The following COX10 variants were observed in gnomAD, a reference collection of about 807,000 sequenced individuals.
The protein encoded by COX10 is cytochrome c oxidase assembly factor heme A:farnesyltransferase COX10.
In COX10, 27 loss-of-function variants were observed where a neutral mutation model predicts 37.3. The observed-to-expected ratio is 0.72, with a 90% CI of 0.53 to 1.00. COX10 has a LOEUF of 1.00. Among genes scored for constraint, COX10 ranks in the 50% least tolerant of loss-of-function variants. COX10 has a pLI of 0.00. For synonymous variants in COX10, 222 were observed against 229.1 expected, an observed-to-expected ratio of 0.97 and a Z score of 0.28; for missense variants, 475 against 563.2, an observed-to-expected ratio of 0.84 and a Z score of 1.59.
At chr17:14,163,655 T>G (rs1368847029) in intron 5 of COX10, among the ~76,000 whole-genome samples, 1 of 152,114 alleles carries the variant, frequency 6.6e-6, no homozygotes, top group Non-Finnish European at 1.5e-5. Flanking sequence ...GAATGTATTC[T>G]CCAAGGAGAG....
intron 5 of COX10, chr17:14,177,008 C>T: frequency 1.4e-5 from 5 of 370,040 alleles, no homozygotes; most frequent in Non-Finnish European, 2.4e-5. Context: ...AGCTAAAATG[C>T]CATTTAATGA....
intron 4 of COX10, among the ~76,000 whole-genome samples, chr17:14,115,971 A>G (rs1916100704): frequency 6.6e-6 from 1 of 152,194 alleles, no homozygotes; most frequent in African/African-American, 2.4e-5. Context: ...CCACTGTGCA[A>G]TCTATACATG....
Position 14,069,566 on chromosome 17 carries a change from GAC to G in COX10, c.-36_-35del. On this transcript the variant is annotated 5_prime_UTR_variant, in exon 1 of 7. Coordinates refer to ENST00000261643, the MANE Select transcript of COX10 (RefSeq NM_001303.4). The stretch of plus-strand genomic sequence containing the variant: ...CGCCCAGCGTCCCGTGAGGAGAGAG[GAC>G]ACAGGGATCCCGGGGAGCGGCCCCA... The G allele has an allele frequency of 1.2e-6, 2 of 1,612,686 alleles. No homozygotes were observed. Among genetic ancestry groups the G allele is most frequent in the Non-Finnish European group, 1.7e-6 (2 of 1,179,300 alleles).
At chr17:14,102,995 G>T (rs1037657518) in intron 4 of COX10, among the ~76,000 whole-genome samples, 4 of 152,138 alleles carry the variant, frequency 2.6e-5, no homozygotes, top group Non-Finnish European at 5.9e-5. Flanking sequence ...CATATAAGTT[G>T]CTAGTGTGCA....
At chr17:14,154,841 G>C (rs1259264389) in intron 4 of COX10, among the ~76,000 whole-genome samples, 1 of 146,180 alleles carries the variant, frequency 6.8e-6, no homozygotes, top group African/African-American at 2.5e-5. Context: ...AACTGGCTGA[G>C]TCTCCAACTC....
At chr17:14,096,520 A>G (rs149576197) in intron 3 of COX10, among the ~76,000 whole-genome samples, 1 of 151,698 alleles carries the variant, frequency 6.6e-6, no homozygotes, top group South Asian at 2.1e-4. Flanking sequence ...GACTAAAGGC[A>G]CATGCCACTG....
chr17:14,208,271 G>A lies in COX10; in HGVS notation c.*1058G>A, dbSNP rs901101671. On this transcript the variant is annotated 3_prime_UTR_variant, in exon 7 of 7. Transcript: ENST00000261643. ...TTTGCAAGTTATCCTGTGGCCAGGT[G>A]TGGTCTCGGTTACCAAATACGGTTA... is the stretch of plus-strand genomic sequence containing the variant. 6.6e-6 allele frequency: 1 copy of A among 152,250 alleles called. No homozygotes were observed. Among genetic ancestry groups the A allele is most frequent in the Admixed American group, 6.5e-5 (1 of 15,294 alleles). 9.4% of individuals were successfully genotyped at this position (152,250 alleles called of 1,614,324 possible). A position where few individuals can be genotyped will look rare whatever the true frequency, so the allele number is the denominator to read the frequency against.
chr17:14,086,723 G>A lies in COX10; in HGVS notation c.499+9667G>A, dbSNP rs147190974. Among the ~76,000 whole-genome samples, 80 of 152,010 alleles carry A rather than the reference G, an allele frequency of 5.3e-4. 2 individuals carry two copies. Among genetic ancestry groups the A allele is most frequent in the African/African-American group, 1.7e-3 (70 of 41,466 alleles). Reference sequence around the variant, plus strand: ...TTTATGCTAATTATTTCATTTTCTGGTAATTGCCTCTTTGTTTAGTTATTT... The same window carrying A: ...TTTATGCTAATTATTTCATTTTCTGATAATTGCCTCTTTGTTTAGTTATTT... On this transcript the variant is annotated intron_variant, in intron 3 of 6. Transcript: ENST00000261643.
intron 4 of COX10, among the ~76,000 whole-genome samples, chr17:14,143,577 G>A (rs1904613219): frequency 6.6e-6 from 1 of 151,882 alleles, no homozygotes; most frequent in Non-Finnish European, 1.5e-5. Flanking sequence ...AGGTAATATA[G>A]TAGAAAGCTA....
intron 4 of COX10, among the ~76,000 whole-genome samples, chr17:14,117,723 G>A (rs1238576814): frequency 6.6e-6 from 1 of 152,128 alleles, no homozygotes; most frequent in Non-Finnish European, 1.5e-5. Context: ...AAACCCAAGT[G>A]GGCATATGTT....
intron 5 of COX10, among the ~76,000 whole-genome samples, chr17:14,169,552 A>G (rs1456605452): frequency 1.3e-5 from 2 of 152,224 alleles, no homozygotes; most frequent in Non-Finnish European, 2.9e-5. Context: ...TGGGTCATTT[A>G]TAAAGAAAAG....
chr17:14,183,733 C>T (rs1905939942), intron 5 of COX10, among the ~76,000 whole-genome samples: 1 of 152,266 alleles, frequency 6.6e-6, no homozygotes, highest in South Asian at 2.1e-4. Context: ...GCAAGTTTAT[C>T]AGCCCCTCCC....
chr17:14,191,220 A>C (rs1906191649), intron 5 of COX10, among the ~76,000 whole-genome samples: 1 of 151,954 alleles, frequency 6.6e-6, no homozygotes, highest in East Asian at 1.9e-4. Flanking sequence ...GGCTCTTTTG[A>C]GAAACAGGCT....
At chr17:14,119,493 T>C (rs1229713819) in intron 4 of COX10, among the ~76,000 whole-genome samples, 2 of 152,168 alleles carry the variant, frequency 1.3e-5, no homozygotes, top group Non-Finnish European at 2.9e-5. Context: ...GGGATGAGAA[T>C]GTAGATAATA....
At chr17:14,147,890 G>A (rs898243554) in intron 4 of COX10, among the ~76,000 whole-genome samples, 3 of 151,654 alleles carry the variant, frequency 2.0e-5, no homozygotes, top group South Asian at 2.1e-4. Flanking sequence ...CCAGAGACAA[G>A]GATTGTAAAT....
Position 14,192,026 on chromosome 17 carries a change from G to A in COX10, c.733G>A (p.Val245Ile), listed in dbSNP as rs1347171957. 1.2e-6 allele frequency: 2 copies of A among 1,614,066 alleles called. No homozygotes were observed. ...LAVSFATCCA[V>I]PGVAILTLGV... The stretch of plus-strand genomic sequence containing the variant: ...TGTGTCCTTTGCCACTTGTTGTGCT[G>A]TTCCGGGAGTTGCCATTCTGACCTT... The change falls in exon 6 of 7, where the codon GTT (valine) becomes ATT (isoleucine). Residue 245 changes from valine (V) to isoleucine (I), a missense_variant. Transcript: ENST00000261643.
chr17:14,172,472 A>G (rs192453864), intron 5 of COX10, among the ~76,000 whole-genome samples: 136 of 152,144 alleles, frequency 8.9e-4, no homozygotes, highest in African/African-American at 2.9e-3. Context: ...CTGGGGTAAA[A>G]TGATATCTCA....
intron 4 of COX10, among the ~76,000 whole-genome samples, chr17:14,137,961 T>G (rs571653821): frequency 0.055 from 8,256 of 151,298 alleles, 328 homozygotes; most frequent in African/African-American, 0.11. Flanking sequence ...TTTTTTTTTT[T>G]TTTTTTTTTT....
In COX10 at chr17:14,102,296, C is replaced by T. The variant is rs1597501483; in HGVS notation, c.624+54C>T. Reference sequence around the variant, plus strand: ...GTTATTGTCACTTTTTCCTAGATGGCTGTATTGTCATATTTTTAAATACCT... The same window carrying T: ...GTTATTGTCACTTTTTCCTAGATGGTTGTATTGTCATATTTTTAAATACCT... On this transcript the variant is annotated intron_variant, in intron 4 of 6. Transcript: ENST00000261643. 5.6e-6 allele frequency: 9 copies of T among 1,607,470 alleles called. No individual in the cohort carries two copies. The East Asian group carries it at 2.0e-4, about 36-fold the overall frequency.
Sources: gnomAD v4.1 joint callset for allele counts (sites outside exome capture counted in the v4.1 genomes callset) on GRCh38, gnomAD v4.1.1 for gene constraint, MANE v1.5 for transcripts, NCBI Gene and HGNC (gene_info 2026-07-23, HGNC 2026-07-21) for gene names.